LINGO2: variants seen among roughly 807,000 people sequenced by gnomAD.
LINGO2 encodes leucine rich repeat and Ig domain containing 2.
LINGO2 carries 14 observed loss-of-function variants against 30.6 expected under a neutral mutation model. The ratio of observed to expected loss-of-function variants is 0.46; its 90% confidence interval spans 0.30 to 0.72. The LOEUF is 0.72. Among genes scored for constraint, LINGO2 ranks in the 30% least tolerant of loss-of-function variants. The pLI is 0.07. For missense variants in LINGO2, 729 were observed against 751.7 expected (o/e 0.97, Z 0.35); for synonymous variants, 317 against 288.5 (o/e 1.10, Z -1.00).
the LINGO2 span, among the ~76,000 whole-genome samples, chr9:29,102,383 T>A: frequency 6.6e-6 from 1 of 152,172 alleles, no homozygotes; most frequent in Admixed American, 6.5e-5. Context: ...ACCTGGCCCA[T>A]CTGCAGCTTT....
the LINGO2 span, among the ~76,000 whole-genome samples, chr9:29,201,986 A>G: frequency 6.6e-6 from 1 of 152,054 alleles, no homozygotes; most frequent in Non-Finnish European, 1.5e-5. Flanking sequence ...CTCTTTTACC[A>G]ATTGGAAACA....
At chr9:29,161,403 C>T in the LINGO2 span, among the ~76,000 whole-genome samples, 1 of 152,172 alleles carries the variant, frequency 6.6e-6, no homozygotes, top group South Asian at 2.1e-4. Context: ...TAGTCATAGC[C>T]CTGAACCTGA....
the LINGO2 span, among the ~76,000 whole-genome samples, chr9:28,886,504 T>C: frequency 1.3e-5 from 2 of 152,132 alleles, no homozygotes; most frequent in African/African-American, 4.8e-5. Flanking sequence ...CAAATGAAAC[T>C]TTAATTAGAG....
chr9:28,755,479 AAT>A, the LINGO2 span, among the ~76,000 whole-genome samples: 1 of 152,142 alleles, frequency 6.6e-6, no homozygotes, highest in Admixed American at 6.5e-5. Context: ...AATGACCTCT[AAT>A]ATCAAGTTGT....
intron 1 of LINGO2, among the ~76,000 whole-genome samples, chr9:28,546,348 A>G (rs954092458): frequency 6.6e-6 from 1 of 152,086 alleles, no homozygotes; most frequent in African/African-American, 2.4e-5. Flanking sequence ...AGCCTTCAGC[A>G]ATGTAGACCA....
At chr9:28,243,743 T>C (rs1466234260) in intron 4 of LINGO2, among the ~76,000 whole-genome samples, 3 of 152,056 alleles carry the variant, frequency 2.0e-5, no homozygotes, top group African/African-American at 4.8e-5. Context: ...CGTTACATAA[T>C]GGTAAAGAGA....
chr9:28,305,848 G>C (rs1234755805), intron 3 of LINGO2, among the ~76,000 whole-genome samples: 1 of 151,964 alleles, frequency 6.6e-6, no homozygotes, highest in Non-Finnish European at 1.5e-5. Flanking sequence ...TAATTTCTCT[G>C]GCTCCTTGTC....
chr9:28,954,641 A>T, the LINGO2 span, among the ~76,000 whole-genome samples: 3 of 152,180 alleles, frequency 2.0e-5, no homozygotes, highest in Non-Finnish European at 4.4e-5. Context: ...CACAAATAAT[A>T]CCTTAGTCTT....
intron 1 of LINGO2, among the ~76,000 whole-genome samples, chr9:28,482,577 C>T (rs942655597): frequency 2.0e-5 from 3 of 152,072 alleles, no homozygotes; most frequent in Non-Finnish European, 4.4e-5. Flanking sequence ...TGCAGGTTGC[C>T]TGTTCACTCT....
intron 4 of LINGO2, among the ~76,000 whole-genome samples, chr9:28,108,982 T>A (rs770911853): frequency 1.1e-4 from 16 of 152,160 alleles, no homozygotes; most frequent in Non-Finnish European, 1.9e-4. Context: ...TGAACATCAA[T>A]GAGAAAATCC....
the LINGO2 span, among the ~76,000 whole-genome samples, chr9:28,828,461 A>T: frequency 1.3e-5 from 2 of 152,214 alleles, no homozygotes; most frequent in African/African-American, 4.8e-5. Context: ...TAACAACTAT[A>T]ATGTGATATG....
At chr9:28,197,489 A>T (rs1479394117) in intron 4 of LINGO2, among the ~76,000 whole-genome samples, 1 of 151,982 alleles carries the variant, frequency 6.6e-6, no homozygotes, top group Admixed American at 6.5e-5. Context: ...ATTGCTTAAT[A>T]AAATGTTAAT....
chr9:29,021,780 T>A, the LINGO2 span, among the ~76,000 whole-genome samples: 5 of 151,950 alleles, frequency 3.3e-5, no homozygotes, highest in African/African-American at 1.2e-4. Flanking sequence ...TATATACATA[T>A]ATCAAGACAA....
At chr9:27,950,652 G>A (rs766711365) in exon 6 of LINGO2, 3 of 1,510,738 alleles carry the variant, frequency 2.0e-6, no homozygotes. Flanking sequence ...CTGCCAGCAT[G>A]ATATGGCCGT....
chr9:28,833,924 C>T, the LINGO2 span, among the ~76,000 whole-genome samples: 4 of 152,126 alleles, frequency 2.6e-5, no homozygotes, highest in African/African-American at 4.8e-5. Flanking sequence ...TTCTTTATAT[C>T]GCACTCATAG....
the LINGO2 span, among the ~76,000 whole-genome samples, chr9:28,923,661 A>AT: frequency 6.6e-6 from 1 of 152,204 alleles, no homozygotes; most frequent in East Asian, 1.9e-4. Context: ...TGTAGACGAC[A>AT]TAAGAAAGAA....
intron 2 of LINGO2, among the ~76,000 whole-genome samples, chr9:28,428,795 T>C (rs972519269): frequency 6.6e-6 from 1 of 152,168 alleles, no homozygotes; most frequent in Admixed American, 6.5e-5. Context: ...GACAACTTAC[T>C]TGAATTTTTC....
intron 3 of LINGO2, among the ~76,000 whole-genome samples, chr9:28,347,473 A>G (rs1475639): frequency 1 from 151,907 of 152,258 alleles, 75,778 homozygotes; most frequent in Non-Finnish European, 1. Flanking sequence ...ATAAAGATAA[A>G]AGAAGTTGTC....
intron 5 of LINGO2, among the ~76,000 whole-genome samples, chr9:27,957,709 A>G (rs1315314302): frequency 6.6e-6 from 1 of 152,202 alleles, no homozygotes; most frequent in Non-Finnish European, 1.5e-5. Flanking sequence ...ATTTCCATAT[A>G]AATTTTAGCA....
Sources: allele counts gnomAD v4.1 joint callset (sites outside exome capture counted in the v4.1 genomes callset), GRCh38; gene constraint gnomAD v4.1.1; transcripts MANE v1.5; gene names NCBI Gene and HGNC (gene_info 2026-07-23, HGNC 2026-07-21).